LRMDA: variants seen among roughly 807,000 people sequenced by gnomAD.
LRMDA encodes leucine-rich melanocyte differentiation-associated protein.
Under a neutral mutation model 29.8 loss-of-function variants are expected in LRMDA, and 18 were observed. That is an observed-to-expected ratio of 0.60 (90% CI 0.42 to 0.90). LRMDA has a LOEUF of 0.90. Among genes scored for constraint, LRMDA ranks in the 40% least tolerant of loss-of-function variants. The probability of loss-of-function intolerance (pLI) is 0.00; values close to 1 mark genes in which losing one functional copy is unlikely to be tolerated. For synonymous variants in LRMDA, 125 were observed against 109.4 expected (o/e 1.14, Z -0.89); for missense variants, 273 against 273.9 (o/e 1.00, Z 0.02).
intron 6 of LRMDA, among the ~76,000 whole-genome samples, chr10:76,468,793 T>G (rs1346782303): frequency 6.6e-6 from 1 of 152,150 alleles, no homozygotes; most frequent in Admixed American, 6.5e-5. Flanking sequence ...ATCCTGAAGA[T>G]ACGATAGTAG....
At chr10:75,937,861 C>T (rs1846324181) in intron 2 of LRMDA, among the ~76,000 whole-genome samples, 1 of 152,190 alleles carries the variant, frequency 6.6e-6, no homozygotes, top group South Asian at 2.1e-4. Flanking sequence ...GGTGACCCTA[C>T]CAACTTAATG....
intron 2 of LRMDA, chr10:75,450,479 A>T (rs1350246164): frequency 1.3e-5 from 2 of 152,210 alleles, no homozygotes; most frequent in Non-Finnish European, 2.9e-5. Flanking sequence ...AAGAAAAAAA[A>T]AATCACCAAA....
chr10:76,344,101 T>A (rs1841074262), intron 6 of LRMDA, among the ~76,000 whole-genome samples: 1 of 152,030 alleles, frequency 6.6e-6, no homozygotes, highest in Non-Finnish European at 1.5e-5. Flanking sequence ...GGATTATAGA[T>A]GTGAGCCACT....
chr10:75,599,151 CCTCTGA>C (rs1840847787), intron 2 of LRMDA, among the ~76,000 whole-genome samples: 2 of 125,184 alleles, frequency 1.6e-5, no homozygotes, highest in African/African-American at 1.1e-4. Flanking sequence ...GCGTTCACGG[CCTCTGA>C]GCCTCTGAGC....
chr10:76,150,313 C>A (rs1180927977), intron 5 of LRMDA, among the ~76,000 whole-genome samples: 1 of 152,184 alleles, frequency 6.6e-6, no homozygotes. Context: ...GCCTCATCTG[C>A]TTTGTTTGAC....
At chr10:76,417,137 A>G (rs1456763877) in intron 6 of LRMDA, among the ~76,000 whole-genome samples, 1 of 152,194 alleles carries the variant, frequency 6.6e-6, no homozygotes, top group East Asian at 1.9e-4. Context: ...GTCTGCCTGG[A>G]TACAATTTGG....
At chr10:75,921,808 G>A (rs567954141) in intron 2 of LRMDA, among the ~76,000 whole-genome samples, 125 of 152,328 alleles carry the variant, frequency 8.2e-4, no homozygotes, top group African/African-American at 2.9e-3. Context: ...TTGTGAGGAA[G>A]TTTTCATAAA....
intron 6 of LRMDA, among the ~76,000 whole-genome samples, chr10:76,336,626 G>T (rs1424291611): frequency 6.6e-6 from 1 of 151,970 alleles, no homozygotes; most frequent in Non-Finnish European, 1.5e-5. Context: ...AACACAGACT[G>T]CCCAGAGGTC....
intron 5 of LRMDA, among the ~76,000 whole-genome samples, chr10:76,064,206 T>C (rs1848748211): frequency 6.6e-6 from 1 of 152,220 alleles, no homozygotes; most frequent in South Asian, 2.1e-4. Context: ...GCATCGTATT[T>C]GTTTTTCCAA....
intron 2 of LRMDA, among the ~76,000 whole-genome samples, chr10:75,974,034 T>C (rs191279874): frequency 6.6e-6 from 1 of 152,346 alleles, no homozygotes; most frequent in East Asian, 1.9e-4. Context: ...AGTCGTCTTA[T>C]AGATGTTGGC....
chr10:75,815,797 A>G (rs943253698), intron 2 of LRMDA, among the ~76,000 whole-genome samples: 2 of 152,212 alleles, frequency 1.3e-5, no homozygotes, highest in African/African-American at 4.8e-5. Context: ...TGATATACTA[A>G]TGAACATTTA....
intron 2 of LRMDA, among the ~76,000 whole-genome samples, chr10:75,635,844 C>A (rs183840183): frequency 1.2e-3 from 176 of 151,702 alleles, no homozygotes; most frequent in Non-Finnish European, 2.2e-3. Context: ...TCTAAGAAAC[C>A]CATGGGTTGT....
intron 2 of LRMDA, among the ~76,000 whole-genome samples, chr10:75,472,235 C>A (rs981888340): frequency 6.6e-6 from 1 of 152,164 alleles, no homozygotes; most frequent in Non-Finnish European, 1.5e-5. Flanking sequence ...CCACCCTTTT[C>A]AACTTGACAC....
intron 2 of LRMDA, among the ~76,000 whole-genome samples, chr10:75,693,696 C>T (rs1564542200): frequency 1.3e-5 from 2 of 152,150 alleles, no homozygotes; most frequent in African/African-American, 4.8e-5. Context: ...CTTAATGCGC[C>T]TTATTCTCTT....
chr10:75,740,420 G>A (rs1730058990), intron 2 of LRMDA, among the ~76,000 whole-genome samples: 1 of 152,128 alleles, frequency 6.6e-6, no homozygotes, highest in Non-Finnish European at 1.5e-5. Context: ...AGGCAGTTGA[G>A]GCTGACTTTT....
At chr10:75,527,793 A>G (rs963205128) in intron 2 of LRMDA, among the ~76,000 whole-genome samples, 1 of 148,698 alleles carries the variant, frequency 6.7e-6, no homozygotes, top group African/African-American at 2.5e-5. Context: ...TATATATTAT[A>G]TATTTATATG....
At chr10:75,578,615 C>T (rs954472765) in intron 2 of LRMDA, among the ~76,000 whole-genome samples, 5 of 152,170 alleles carry the variant, frequency 3.3e-5, no homozygotes, top group Non-Finnish European at 5.9e-5. Context: ...AGCACCACAT[C>T]ACACTTATTC....
At chr10:75,802,932 A>ATGTGTGTGTG (rs71024568) in intron 2 of LRMDA, among the ~76,000 whole-genome samples, 19 of 136,128 alleles carry the variant, frequency 1.4e-4, no homozygotes, top group African/African-American at 4.9e-4. Context: ...TTAATACATT[A>ATGTGTGTGTG]TGTGTGTGTG....
intron 2 of LRMDA, among the ~76,000 whole-genome samples, chr10:75,687,236 A>C (rs193243256): frequency 6.6e-6 from 1 of 152,372 alleles, no homozygotes; most frequent in African/African-American, 2.4e-5. Context: ...AAGCCAAGAC[A>C]GTCCAACATG....
Sources: gnomAD v4.1 joint callset for allele counts (sites outside exome capture counted in the v4.1 genomes callset) on GRCh38, gnomAD v4.1.1 for gene constraint, MANE v1.5 for transcripts, NCBI Gene and HGNC (gene_info 2026-07-23, HGNC 2026-07-21) for gene names.